HADHB: variants seen among roughly 807,000 people sequenced by gnomAD.
HADHB encodes the protein hydroxyacyl-CoA dehydrogenase trifunctional multienzyme complex subunit beta.
In HADHB, 50 loss-of-function variants were observed where a neutral mutation model predicts 61.9. The observed-to-expected ratio is 0.81, with a 90% CI of 0.64 to 1.02. The LOEUF (loss-of-function observed/expected upper bound fraction) is 1.02, where lower values mean the gene tolerates loss of function less well. HADHB is among the 50% of genes least tolerant of loss of function. The pLI is 0.00. For missense variants in HADHB, 504 were observed against 586.5 expected, an observed-to-expected ratio of 0.86 and a Z score of 1.45; for synonymous variants, 191 against 201.6, an observed-to-expected ratio of 0.95 and a Z score of 0.45.
chr2:26,266,242 A>G (rs888344815), intron 4 of HADHB, among the ~76,000 whole-genome samples: 1 of 152,058 alleles, frequency 6.6e-6, no homozygotes, highest in African/African-American at 2.4e-5. Flanking sequence ...ATGCTATTGC[A>G]CTTCAACCTG....
At chr2:26,256,031 A>G (rs1671594332) in intron 3 of HADHB, among the ~76,000 whole-genome samples, 1 of 152,190 alleles carries the variant, frequency 6.6e-6, no homozygotes, top group Non-Finnish European at 1.5e-5. Context: ...TATTCCTTAT[A>G]TTGCTCTGTA....
intron 10 of HADHB, among the ~76,000 whole-genome samples, 162 bp from the exon 11 acceptor site, chr2:26,282,683 A>G (rs937259941): frequency 1.3e-5 from 2 of 152,156 alleles, no homozygotes; most frequent in Admixed American, 1.3e-4. Flanking sequence ...TGTATGTTTG[A>G]ATTATGATTT....
intron 4 of HADHB, among the ~76,000 whole-genome samples, chr2:26,268,536 C>T (rs908616107): frequency 6.6e-6 from 1 of 152,194 alleles, no homozygotes; most frequent in Non-Finnish European, 1.5e-5. Flanking sequence ...CATGTGCCCC[C>T]TGATACGAAG....
chr2:26,272,524 T>C (rs939019864), intron 5 of HADHB, among the ~76,000 whole-genome samples: 36 of 151,890 alleles, frequency 2.4e-4, no homozygotes, highest in Non-Finnish European at 4.9e-4. Context: ...TTTTTTTGTA[T>C]TTTTAGTAGA....
chr2:26,274,590 T>C (rs1672471828), intron 6 of HADHB, among the ~76,000 whole-genome samples: 1 of 152,206 alleles, frequency 6.6e-6, no homozygotes, highest in African/African-American at 2.4e-5. Flanking sequence ...CGAAACTAAC[T>C]GTGTGCTGTT....
intron 4 of HADHB, among the ~76,000 whole-genome samples, chr2:26,266,636 T>A (rs1409236411): frequency 2.0e-5 from 3 of 151,736 alleles, no homozygotes; most frequent in Admixed American, 6.6e-5. Flanking sequence ...TCCCAGCACT[T>A]TGGGAGGCTG....
intron 15 of HADHB, 72 bp downstream of exon 15, chr2:26,285,643 T>C: frequency 7.7e-7 from 1 of 1,304,220 alleles, no homozygotes; most frequent in East Asian, 2.4e-5. Flanking sequence ...TATGATTTAG[T>C]TTGAAACCTT....
At chr2:26,281,365 A>T (rs1049388672) in intron 10 of HADHB, among the ~76,000 whole-genome samples, 2 of 152,184 alleles carry the variant, frequency 1.3e-5, no homozygotes, top group Non-Finnish European at 2.9e-5. Flanking sequence ...ATATTTGCCC[A>T]TGGTAAATGA....
intron 8 of HADHB, 122 bp from the exon 9 acceptor site, chr2:26,279,013 G>C (rs1288724646): frequency 5.2e-6 from 5 of 956,382 alleles, no homozygotes; most frequent in Non-Finnish European, 8.5e-6. Flanking sequence ...GCTTGTCTTG[G>C]ACTTGATTGA....
intron 3 of HADHB, chr2:26,260,858 G>C: frequency 3.3e-6 from 2 of 605,950 alleles, no homozygotes; most frequent in Non-Finnish European, 5.9e-6. Context: ...TGGCTTATTT[G>C]CTCACTTATG....
At chr2:26,279,569 G>C (rs201728468) in intron 9 of HADHB, among the ~76,000 whole-genome samples, 11 of 151,584 alleles carry the variant, frequency 7.3e-5, no homozygotes, top group African/African-American at 2.7e-4. Flanking sequence ...CAGGAGGATC[G>C]CTTGAGGCCA....
Position 26,278,765 on chromosome 2 carries a change from A to G in HADHB, c.594A>G (p.Leu198=), listed in dbSNP as rs1304012120. The G allele has an allele frequency of 3.1e-6, 5 of 1,614,118 alleles. No homozygotes were observed. In the South Asian group the frequency reaches 5.5e-5, roughly 18 times the overall value. ...AATCTATGGGCCAGCGACTGTCTTT[A>G]ATCTCTAAATTCCGATTTAATTTCC... is the stretch of plus-strand genomic sequence containing the variant. ...KAKSMGQRLS[L]ISKFRFNFLA... The change falls in exon 8 of 16, where the codon TTA becomes TTG. Residue 198 remains leucine (L), a synonymous_variant. Transcript: ENST00000317799.
chr2:26,279,844 A>G (rs899813281), intron 9 of HADHB, 150 bp from the exon 10 acceptor site: 20 of 637,934 alleles, frequency 3.1e-5, no homozygotes, highest in Non-Finnish European at 5.5e-5. Flanking sequence ...TTAAAATTTG[A>G]TAATATGATA....
chr2:26,278,551 A>G, intron 7 of HADHB, 63 bp from the exon 8 acceptor site: 1 of 1,352,838 alleles, frequency 7.4e-7, no homozygotes, highest in Non-Finnish European at 1.1e-6. Context: ...CAAGAAGCTT[A>G]AATTGGAATG....
rs374569092 is a variant in HADHB, at chr2:26,277,141, C to T, written c.423C>T (p.Ala141=). 1.4e-5 allele frequency: 22 copies of T among 1,577,462 alleles called. No individual in the cohort carries two copies. Among genetic ancestry groups the T allele is most frequent in the Non-Finnish European group, 1.9e-5 (22 of 1,147,340 alleles). ...CTGTCACCATGGCTTGTATCTCTGCCAACCAAGCCATGACCACAGGTATGT... is the reference window on the plus strand; with the variant it reads ...CTGTCACCATGGCTTGTATCTCTGCTAACCAAGCCATGACCACAGGTATGT... The part of the protein sequence containing the change: ...AHTVTMACIS[A]NQAMTTGVGL... The change falls in exon 7 of 16, where the codon GCC becomes GCT. Residue 141 remains alanine, a synonymous_variant. Coordinates refer to ENST00000317799, the MANE Select transcript of HADHB (RefSeq NM_000183.3).
chr2:26,287,787 T>G (rs10200032), intron 15 of HADHB, among the ~76,000 whole-genome samples: 9,629 of 152,178 alleles, frequency 0.063, 1,033 homozygotes, highest in African/African-American at 0.22. Context: ...ATTCTTTGTT[T>G]TGGGGGGCTG....
At chr2:26,269,470 G>A (rs1672247185) in intron 4 of HADHB, among the ~76,000 whole-genome samples, 1 of 152,086 alleles carries the variant, frequency 6.6e-6, no homozygotes, top group Non-Finnish European at 1.5e-5. Flanking sequence ...CAAAATGTTG[G>A]GATTCTAGGT....
chr2:26,248,039 G>A (rs1452847300), intron 1 of HADHB, among the ~76,000 whole-genome samples: 3 of 152,222 alleles, frequency 2.0e-5, no homozygotes, highest in African/African-American at 7.2e-5. Context: ...CATAGCTTCA[G>A]GGACTTTCTT....
In HADHB at chr2:26,278,650, T is replaced by A. The variant is rs1310524359; in HGVS notation, c.479T>A (p.Ile160Asn). 6.2e-7 allele frequency: 1 copy of A among 1,614,076 alleles called. No individual in the cohort carries two copies. The highest frequency in any genetic ancestry group is 8.5e-7 in the Non-Finnish European group (1 of 1,180,032). Reference protein sequence around the residue: ...GLIASGQCDVIVAGGVELMSD... With the variant: ...GLIASGQCDVNVAGGVELMSD... ...ATTGCTTCTGGCCAGTGTGATGTGA[T>A]CGTGGCAGGTGGTGTTGAGTTGATG... Residue 160 changes from isoleucine to asparagine, a missense_variant, in exon 8 of 16, where the codon ATC (isoleucine) becomes AAC (asparagine). By Grantham distance (149) the Ile-to-Asn change is moderately radical. Coordinates refer to ENST00000317799, the MANE Select transcript of HADHB (RefSeq NM_000183.3).
Sources: allele counts gnomAD v4.1 joint callset (sites outside exome capture counted in the v4.1 genomes callset), GRCh38; gene constraint gnomAD v4.1.1; transcripts MANE v1.5; gene names NCBI Gene and HGNC (gene_info 2026-07-23, HGNC 2026-07-21).